Variants in WDR70 observed in about 807,000 individuals in gnomAD.
The protein encoded by WDR70 is WD repeat-containing protein 70.
Under a neutral mutation model 88.6 loss-of-function variants are expected in WDR70, and 53 were observed. That is an observed-to-expected ratio of 0.60 (90% CI 0.48 to 0.75). WDR70 has a LOEUF of 0.75. Among genes scored for constraint, WDR70 ranks in the 30% least tolerant of loss-of-function variants. The pLI is 0.00. For missense variants in WDR70, 610 were observed against 823.2 expected, an observed-to-expected ratio of 0.74 and a Z score of 3.17; for synonymous variants, 280 against 270.0, an observed-to-expected ratio of 1.04 and a Z score of -0.36.
At chr5:37,389,248 A>G (rs1278122213) in intron 3 of WDR70, among the ~76,000 whole-genome samples, 1 of 149,478 alleles carries the variant, frequency 6.7e-6, no homozygotes, top group East Asian at 1.9e-4. Context: ...GCACACCGCC[A>G]CGCCTGGCTA....
intron 10 of WDR70, among the ~76,000 whole-genome samples, chr5:37,662,212 A>G (rs1745720037): frequency 1.3e-5 from 2 of 152,380 alleles, no homozygotes; most frequent in East Asian, 1.9e-4. Context: ...AGAACATGAC[A>G]TACTGGTAAA....
At chr5:37,752,391 C>T in intron 17 of WDR70, 95 bp from the exon 18 acceptor site, 6 of 754,618 alleles carry the variant, frequency 8.0e-6, no homozygotes, top group South Asian at 3.6e-5. Context: ...AATTTATTCC[C>T]CACATTTGCT....
At chr5:37,702,277 T>G (rs1747186265) in intron 12 of WDR70, among the ~76,000 whole-genome samples, 1 of 152,232 alleles carries the variant, frequency 6.6e-6, no homozygotes, top group Non-Finnish European at 1.5e-5. Context: ...ATGCTAACTA[T>G]ATAACTTCTG....
chr5:37,536,121 G>GATT (rs1431414109), intron 9 of WDR70, among the ~76,000 whole-genome samples: 1 of 152,098 alleles, frequency 6.6e-6, no homozygotes, highest in Non-Finnish European at 1.5e-5. Flanking sequence ...CTGTGATGAG[G>GATT]ATTATCTTAC....
intron 10 of WDR70, among the ~76,000 whole-genome samples, chr5:37,684,768 C>G (rs1746531615): frequency 6.6e-6 from 1 of 152,192 alleles, no homozygotes; most frequent in Non-Finnish European, 1.5e-5. Flanking sequence ...CAGCAGGATC[C>G]ATCCTTGTTC....
intron 11 of WDR70, among the ~76,000 whole-genome samples, chr5:37,699,396 T>TACACACACACACAC (rs1181980288): frequency 9.7e-3 from 195 of 20,120 alleles, no homozygotes; most frequent in Middle Eastern, 0.056. Context: ...TGTGTGTATA[T>TACACACACACACAC]ATATATACAC....
chr5:37,431,381 T>C (rs565998373), intron 5 of WDR70, among the ~76,000 whole-genome samples: 51 of 152,070 alleles, frequency 3.4e-4, no homozygotes, highest in African/African-American at 1.1e-3. Context: ...TAATTCCTCT[T>C]TTTTTTTCTT....
At chr5:37,725,297 C>T (rs1418269078) in intron 16 of WDR70, among the ~76,000 whole-genome samples, 1 of 151,984 alleles carries the variant, frequency 6.6e-6, no homozygotes, top group Admixed American at 6.6e-5. Flanking sequence ...TCTGCTTGGT[C>T]TCCAACTAGA....
intron 13 of WDR70, 27 bp downstream of exon 13, chr5:37,703,114 T>C (rs750442888): frequency 6.3e-7 from 1 of 1,586,586 alleles, no homozygotes; most frequent in South Asian, 1.1e-5. Context: ...CTCCTCAGCC[T>C]TGAGAATACA....
rs1300125609 is a variant in WDR70, at chr5:37,691,095, C to T, written c.1093-6560C>T. On this transcript the variant is annotated intron_variant, in intron 10 of 17. Transcript: ENST00000265107. ...CAATCCTAGTCTCCGATAAAACAGA[C>T]TTTAAACCAGCAAAGATCAAAAGAT... Among the ~76,000 whole-genome samples the T allele has an allele frequency of 3.9e-5, 6 of 152,262 alleles. No individual in the cohort carries two copies. In the East Asian group the frequency reaches 9.6e-4, roughly 24 times the overall value.
At chr5:37,413,909 G>C (rs1749605656) in intron 5 of WDR70, among the ~76,000 whole-genome samples, 1 of 151,984 alleles carries the variant, frequency 6.6e-6, no homozygotes, top group African/African-American at 2.4e-5. Context: ...ACTTTGGGAT[G>C]CCAAGGCGGA....
intron 10 of WDR70, among the ~76,000 whole-genome samples, chr5:37,692,410 A>G (rs1430178476): frequency 6.6e-6 from 1 of 152,068 alleles, no homozygotes; most frequent in African/African-American, 2.4e-5. Flanking sequence ...CAGAGACACA[A>G]CAAAAAAAGA....
chr5:37,606,865 T>C (rs1309884533), intron 10 of WDR70, among the ~76,000 whole-genome samples: 1 of 131,764 alleles, frequency 7.6e-6, no homozygotes, highest in Non-Finnish European at 1.5e-5. Flanking sequence ...AAAACAGATT[T>C]TTAAAAAATT....
At chr5:37,431,884 A>G in intron 5 of WDR70, among the ~76,000 whole-genome samples, 1 of 152,094 alleles carries the variant, frequency 6.6e-6, no homozygotes, top group East Asian at 1.9e-4. Flanking sequence ...ATGTGTCGGA[A>G]TTTTCTTTCT....
intron 5 of WDR70, among the ~76,000 whole-genome samples, chr5:37,419,287 A>G (rs1375142153): frequency 2.0e-5 from 3 of 148,740 alleles, no homozygotes; most frequent in Non-Finnish European, 4.5e-5. Context: ...GCTCGCTGCA[A>G]CTTCCGTCCT....
intron 10 of WDR70, among the ~76,000 whole-genome samples, chr5:37,610,324 T>A (rs994300484): frequency 6.6e-5 from 10 of 152,236 alleles, no homozygotes; most frequent in Middle Eastern, 6.8e-3. Context: ...CTTGTTTTTT[T>A]AATTTGAAAG....
intron 8 of WDR70, among the ~76,000 whole-genome samples, chr5:37,492,272 T>C (rs997823631): frequency 1.3e-5 from 2 of 152,212 alleles, no homozygotes; most frequent in African/African-American, 4.8e-5. Context: ...ATATTCGTAA[T>C]TCACTTCTCC....
intron 10 of WDR70, among the ~76,000 whole-genome samples, chr5:37,629,036 G>T (rs527548214): frequency 6.6e-6 from 1 of 152,136 alleles, no homozygotes; most frequent in South Asian, 2.1e-4. Context: ...GGATAGCTTT[G>T]CAGGGTATAA....
At chr5:37,516,704 A>ACT (rs1740895403) in intron 9 of WDR70, 114 bp downstream of exon 9, 1 of 237,076 alleles carries the variant, frequency 4.2e-6, no homozygotes, top group Non-Finnish European at 7.2e-6. Context: ...AGGAATTCTT[A>ACT]TTATATACAT....
Sources: gnomAD v4.1 joint callset for allele counts (sites outside exome capture counted in the v4.1 genomes callset) on GRCh38, gnomAD v4.1.1 for gene constraint, MANE v1.5 for transcripts, NCBI Gene and HGNC (gene_info 2026-07-23, HGNC 2026-07-21) for gene names.